Variants in EPB41L4A observed in about 807,000 individuals in gnomAD.
The protein encoded by EPB41L4A is erythrocyte membrane protein band 4.1 like 4A.
A neutral mutation model predicts 108.6 loss-of-function variants in EPB41L4A; 100 were observed. The observed-to-expected ratio is 0.92, with a 90% CI of 0.78 to 1.09. The LOEUF is 1.09. Ranked by LOEUF, EPB41L4A falls within the 50% of genes least tolerant of loss-of-function variation. The pLI is 0.00. For missense variants in EPB41L4A, 1,030 were observed against 842.7 expected (o/e 1.22, Z -2.75); for synonymous variants, 319 against 289.0 (o/e 1.10, Z -1.05).
chr5:112,205,854 C>G, intron 13 of EPB41L4A: 1 of 207,456 alleles, frequency 4.8e-6, no homozygotes, highest in South Asian at 7.6e-5. Context: ...ACCTGGGCTA[C>G]CCAGGATCTT....
At chr5:112,197,889 C>T (rs1762036830) in intron 15 of EPB41L4A, among the ~76,000 whole-genome samples, 1 of 152,028 alleles carries the variant, frequency 6.6e-6, no homozygotes, top group Non-Finnish European at 1.5e-5. Flanking sequence ...TTTTGGAACC[C>T]AAAATTTCTG....
At chr5:112,198,252 T>G (rs1024267570) in intron 15 of EPB41L4A, among the ~76,000 whole-genome samples, 4 of 152,066 alleles carry the variant, frequency 2.6e-5, no homozygotes, top group African/African-American at 7.2e-5. Flanking sequence ...AGGCTAGTCT[T>G]GAACTTCTGA....
At chr5:112,275,507 A>AACAT in intron 3 of EPB41L4A, 103 bp from the exon 4 acceptor site, 2 of 1,303,192 alleles carry the variant, frequency 1.5e-6, no homozygotes, top group Non-Finnish European at 2.0e-6. Flanking sequence ...AAGATTGTCT[A>AACAT]AAGAAACAAG....
intron 12 of EPB41L4A, among the ~76,000 whole-genome samples, chr5:112,154,745 T>C: frequency 6.6e-6 from 1 of 152,184 alleles, no homozygotes; most frequent in East Asian, 1.9e-4. Context: ...TCATCATTGC[T>C]AAAGTGACAT....
intron 10 of EPB41L4A, among the ~76,000 whole-genome samples, chr5:112,240,258 C>A (rs913927827): frequency 6.6e-6 from 1 of 152,188 alleles, no homozygotes; most frequent in Non-Finnish European, 1.5e-5. Context: ...CCACTGGTGA[C>A]CTCATCCAGC....
intron 2 of EPB41L4A, among the ~76,000 whole-genome samples, chr5:112,298,349 G>C (rs1178094578): frequency 2.0e-5 from 3 of 152,000 alleles, no homozygotes; most frequent in Non-Finnish European, 4.4e-5. Flanking sequence ...ATTACATTGA[G>C]GTATGTCCCT....
At chr5:112,300,640 T>G (rs1754292321) in intron 2 of EPB41L4A, among the ~76,000 whole-genome samples, 1 of 152,178 alleles carries the variant, frequency 6.6e-6, no homozygotes, top group Non-Finnish European at 1.5e-5. Flanking sequence ...AATGATCTTT[T>G]TGCAATTTGC....
intron 2 of EPB41L4A, among the ~76,000 whole-genome samples, chr5:112,306,674 T>C (rs536928015): frequency 1.8e-4 from 27 of 152,286 alleles, no homozygotes; most frequent in Admixed American, 1.6e-3. Flanking sequence ...AATGAGGCTG[T>C]GCCTATCTGA....
chr5:112,396,403 T>A (rs1356002787), intron 1 of EPB41L4A, among the ~76,000 whole-genome samples: 1 of 152,168 alleles, frequency 6.6e-6, no homozygotes, highest in Admixed American at 6.5e-5. Flanking sequence ...AATTCACACA[T>A]CTATCAGACA....
At chr5:112,208,341 A>G (rs1018476735) in intron 13 of EPB41L4A, among the ~76,000 whole-genome samples, 1 of 152,074 alleles carries the variant, frequency 6.6e-6, no homozygotes, top group Non-Finnish European at 1.5e-5. Flanking sequence ...GACCATGAAC[A>G]GTGGACTGGA....
chr5:112,218,813 C>T lies in EPB41L4A; in HGVS notation c.1088-8831G>A, dbSNP rs190824512. ...TAGTGTTTTATTTTACGCAAGCACT[C>T]ACTAAAAGAATTTTGAAAAACAATG... On this transcript the variant is annotated intron_variant, in intron 12 of 22. Coordinates refer to ENST00000261486, the MANE Select transcript of EPB41L4A (RefSeq NM_022140.5). Among the ~76,000 whole-genome samples, 82 of 152,182 alleles carry T rather than the reference C, an allele frequency of 5.4e-4. 1 individual carries two copies. In the South Asian group the frequency reaches 0.012, roughly 23 times the overall value.
At chr5:112,287,416 TA>T in intron 2 of EPB41L4A, among the ~76,000 whole-genome samples, 1 of 152,182 alleles carries the variant, frequency 6.6e-6, no homozygotes, top group Non-Finnish European at 1.5e-5. Context: ...AATATAAACA[TA>T]AAAGGTCAAA....
intron 2 of EPB41L4A, among the ~76,000 whole-genome samples, chr5:112,293,030 C>A (rs550736915): frequency 6.6e-6 from 1 of 152,176 alleles, no homozygotes; most frequent in Admixed American, 6.5e-5. Context: ...TCAGGTACTG[C>A]ATTTATTGAT....
Position 112,221,343 on chromosome 5 carries a change from G to C in EPB41L4A, c.1088-11361C>G, listed in dbSNP as rs79425293. 6.1e-3 allele frequency among the ~76,000 whole-genome samples: 927 copies of C among 152,242 alleles called. 6 individuals carry two copies. The highest frequency in any genetic ancestry group is 7.2e-3 in the Non-Finnish European group (493 of 68,014). ...CCTGCATTCCAGCATTGCTTCTCTA[G>C]TCTTGCAAAGCAGCTGGTTAAGTGT... On this transcript the variant is annotated intron_variant, in intron 12 of 22. Coordinates refer to ENST00000261486, the MANE Select transcript of EPB41L4A (RefSeq NM_022140.5).
chr5:112,366,387 G>A (rs1470161441), intron 1 of EPB41L4A, among the ~76,000 whole-genome samples: 2 of 152,066 alleles, frequency 1.3e-5, no homozygotes, highest in Non-Finnish European at 2.9e-5. Context: ...GTTAATCTAT[G>A]AGGTTAACTA....
rs1274377321 is a variant in EPB41L4A, at chr5:112,163,615, G to T, written c.*1375C>A. On this transcript the variant is annotated 3_prime_UTR_variant, in exon 23 of 23. Transcript: ENST00000261486. ...TTAAGTAACACAGTGATTGATATTA[G>T]TGGAGTAGAGGGAAAGATCCATGTT... 2.0e-5 allele frequency: 3 copies of T among 152,190 alleles called. No homozygotes were observed. The highest frequency in any genetic ancestry group is 4.4e-5 in the Non-Finnish European group (3 of 68,040). The allele number at this position is 152,190 out of a possible 1,614,324, so 9.4% of individuals were successfully genotyped here.
chr5:112,144,384 T>G (rs916256093), intron 13 of EPB41L4A, among the ~76,000 whole-genome samples: 1 of 152,110 alleles, frequency 6.6e-6, no homozygotes, highest in Non-Finnish European at 1.5e-5. Context: ...TCCCAGGGCT[T>G]AGATGATCCT....
At chr5:112,341,324 C>G (rs1053154217) in intron 1 of EPB41L4A, among the ~76,000 whole-genome samples, 1 of 152,152 alleles carries the variant, frequency 6.6e-6, no homozygotes, top group Non-Finnish European at 1.5e-5. Flanking sequence ...AAAACTGATA[C>G]AAATGTTTCT....
chr5:112,145,523 C>T (rs1229580476), intron 13 of EPB41L4A, among the ~76,000 whole-genome samples: 1 of 152,210 alleles, frequency 6.6e-6, no homozygotes, highest in Non-Finnish European at 1.5e-5. Context: ...ACTATCTTCA[C>T]TGCCAACTAC....
Sources: allele counts gnomAD v4.1 joint callset (sites outside exome capture counted in the v4.1 genomes callset), GRCh38; gene constraint gnomAD v4.1.1; transcripts MANE v1.5; gene names NCBI Gene and HGNC (gene_info 2026-07-23, HGNC 2026-07-21).